CTNNA3: variants seen among roughly 807,000 people sequenced by gnomAD.
CTNNA3 encodes catenin alpha-3.
In CTNNA3, 76 loss-of-function variants were observed where a neutral mutation model predicts 95.7. The ratio of observed to expected loss-of-function variants is 0.79; its 90% CI spans 0.66 to 0.96. CTNNA3 has a LOEUF of 0.96. Ranked by LOEUF, CTNNA3 falls within the 40% of genes least tolerant of loss-of-function variation. The probability of loss-of-function intolerance (pLI) is 0.00; values close to 1 mark genes in which losing one functional copy is unlikely to be tolerated. For synonymous variants in CTNNA3, 431 were observed against 374.4 expected (o/e 1.15, Z -1.74); for missense variants, 1,191 against 1,089.8 (o/e 1.09, Z -1.31).
chr10:67,551,055 A>G (rs1045321128), intron 3 of CTNNA3, among the ~76,000 whole-genome samples: 3 of 151,806 alleles, frequency 2.0e-5, no homozygotes. Flanking sequence ...GAGGACAGGC[A>G]CTCCTGACTT....
chr10:67,007,530 T>C (rs1852069256), intron 7 of CTNNA3, among the ~76,000 whole-genome samples: 1 of 151,970 alleles, frequency 6.6e-6, no homozygotes, highest in African/African-American at 2.4e-5. Flanking sequence ...CCACTGAAAC[T>C]TTAATTAGGT....
intron 5 of CTNNA3, among the ~76,000 whole-genome samples, chr10:67,518,883 C>G (rs1017985780): frequency 6.6e-6 from 1 of 152,044 alleles, no homozygotes; most frequent in African/African-American, 2.4e-5. Flanking sequence ...AAGACTGTAC[C>G]TGCCTTTCGA....
chr10:67,717,165 G>A (rs1841149167), intron 1 of CTNNA3, among the ~76,000 whole-genome samples: 1 of 150,564 alleles, frequency 6.6e-6, no homozygotes, highest in Non-Finnish European at 1.5e-5. Flanking sequence ...TTTTGATGGG[G>A]TTGTTTTTTT....
intron 10 of CTNNA3, among the ~76,000 whole-genome samples, chr10:66,619,017 T>A (rs1844639672): frequency 6.6e-6 from 1 of 152,010 alleles, no homozygotes; most frequent in African/African-American, 2.4e-5. Flanking sequence ...TGAGATACCA[T>A]CTCACACCAG....
At chr10:67,286,649 T>C (rs533378782) in intron 5 of CTNNA3, among the ~76,000 whole-genome samples, 2 of 152,264 alleles carry the variant, frequency 1.3e-5, no homozygotes, top group Non-Finnish European at 2.9e-5. Context: ...TTAAAATTGG[T>C]ACCCAAAAAA....
intron 13 of CTNNA3, among the ~76,000 whole-genome samples, chr10:66,201,783 CTTTTTTTTTTTTTT>C (rs1236010501): frequency 6.3e-5 from 5 of 79,366 alleles, no homozygotes; most frequent in African/African-American, 2.6e-4. Flanking sequence ...TTTACTTTTT[CTTTTTTTTTTTTTT>C]TTTTTTTTGA....
At chr10:66,178,399 GTATATATATATATA>G (rs71035113) in intron 13 of CTNNA3, among the ~76,000 whole-genome samples, 2,474 of 91,122 alleles carry the variant, frequency 0.027, 89 homozygotes, top group East Asian at 0.12. Context: ...CCTTGAAAGT[GTATATATATATATA>G]TATATATATA....
At chr10:66,606,556 T>A (rs1844129923) in intron 10 of CTNNA3, among the ~76,000 whole-genome samples, 1 of 152,128 alleles carries the variant, frequency 6.6e-6, no homozygotes, top group Non-Finnish European at 1.5e-5. Flanking sequence ...ACTGAAATCA[T>A]AACAATCACT....
intron 13 of CTNNA3, among the ~76,000 whole-genome samples, chr10:66,119,636 CTT>C (rs1028239044): frequency 1.1e-4 from 17 of 152,136 alleles, no homozygotes; most frequent in East Asian, 9.7e-4. Context: ...AATAAGATAA[CTT>C]ATATTATATA....
In CTNNA3 at chr10:67,108,111, A is replaced by G. The variant is rs117734155; in HGVS notation, c.1047+72206T>C. Among the ~76,000 whole-genome samples the G allele has an allele frequency of 2.1e-3, 327 of 152,362 alleles. 8 individuals carry two copies. The East Asian group carries it at 0.052, about 24-fold the overall frequency. The stretch of plus-strand genomic sequence containing the variant: ...CCAGTACTAGAATGTACATTTACTT[A>G]TAATTATTTTTCACTAGAGTGAAAT... On this transcript the variant is annotated intron_variant, in intron 7 of 17. Coordinates refer to ENST00000433211, the MANE Select transcript of CTNNA3 (RefSeq NM_013266.4).
intron 11 of CTNNA3, among the ~76,000 whole-genome samples, chr10:66,491,567 A>T (rs1403957423): frequency 6.6e-6 from 1 of 152,142 alleles, no homozygotes; most frequent in Non-Finnish European, 1.5e-5. Flanking sequence ...AATTAGTACT[A>T]ATTTCAGATC....
intron 3 of CTNNA3, among the ~76,000 whole-genome samples, chr10:67,568,354 CT>C (rs1841877864): frequency 6.6e-6 from 1 of 151,770 alleles, no homozygotes; most frequent in African/African-American, 2.4e-5. Context: ...TGTACTTAAT[CT>C]TCCTATCAGT....
intron 5 of CTNNA3, among the ~76,000 whole-genome samples, chr10:67,407,576 C>G (rs1408516690): frequency 6.6e-6 from 1 of 152,050 alleles, no homozygotes; most frequent in East Asian, 1.9e-4. Flanking sequence ...GGAAATCAGG[C>G]AAGAAAAAGA....
chr10:67,561,939 G>A (rs1010538783), intron 3 of CTNNA3, among the ~76,000 whole-genome samples: 1 of 152,128 alleles, frequency 6.6e-6, no homozygotes, highest in Non-Finnish European at 1.5e-5. Context: ...ACTAAACCAC[G>A]AAGAAGTTGA....
At chr10:66,696,876 C>T (rs75744217) in intron 9 of CTNNA3, among the ~76,000 whole-genome samples, 12,260 of 151,962 alleles carry the variant, frequency 0.081, 627 homozygotes, top group Middle Eastern at 0.18. Context: ...GAGGTTGAGG[C>T]GGCAGTGAGC....
intron 7 of CTNNA3, among the ~76,000 whole-genome samples, chr10:66,824,573 G>A (rs972826700): frequency 2.6e-5 from 4 of 152,158 alleles, no homozygotes; most frequent in African/African-American, 9.7e-5. Flanking sequence ...GTTCAGAAAA[G>A]ATTAAAGATC....
At chr10:66,050,254 C>T (rs2079919248) in intron 15 of CTNNA3, among the ~76,000 whole-genome samples, 1 of 152,016 alleles carries the variant, frequency 6.6e-6, no homozygotes, top group Non-Finnish European at 1.5e-5. Context: ...TTCACATGCT[C>T]ATTTTTTTCT....
In CTNNA3 at chr10:67,520,225, T is replaced by C. The variant is rs187054736; in HGVS notation, c.579+1617A>G. On this transcript the variant is annotated intron_variant, in intron 5 of 17. Transcript: ENST00000433211. ...TATAGATGATTTATATAGGCATATATGTATACACTCCATGTGCTCATCTTT... is the reference window on the plus strand; with the variant it reads ...TATAGATGATTTATATAGGCATATACGTATACACTCCATGTGCTCATCTTT... 3.6e-3 allele frequency among the ~76,000 whole-genome samples: 547 copies of C among 152,324 alleles called. 1 individual carries two copies. Among genetic ancestry groups the C allele is most frequent in the Admixed American group, 7.1e-3 (108 of 15,298 alleles).
chr10:66,754,391 G>T (rs757131597), intron 9 of CTNNA3, among the ~76,000 whole-genome samples: 1 of 152,124 alleles, frequency 6.6e-6, no homozygotes, highest in Non-Finnish European at 1.5e-5. Context: ...CTAAGTGTGA[G>T]AGCTAAAAGT....
Sources: gnomAD v4.1 joint callset for allele counts (sites outside exome capture counted in the v4.1 genomes callset) on GRCh38, gnomAD v4.1.1 for gene constraint, MANE v1.5 for transcripts, NCBI Gene and HGNC (gene_info 2026-07-23, HGNC 2026-07-21) for gene names.